The following ROBO2 variants were observed in gnomAD, a reference collection of about 807,000 sequenced individuals.
ROBO2 encodes the protein roundabout homolog 2.
A neutral mutation model predicts 160.8 loss-of-function variants in ROBO2; 53 were observed. The observed-to-expected ratio is 0.33, with a 90% confidence interval of 0.26 to 0.41. The LOEUF (loss-of-function observed/expected upper bound fraction) is 0.41, where lower values mean the gene tolerates loss of function less well. ROBO2 is among the 10% of genes least tolerant of loss of function. ROBO2 has a pLI of 1.00. For missense variants in ROBO2, 1,577 were observed against 1,722.4 expected, an observed-to-expected ratio of 0.92 and a Z score of 1.49; for synonymous variants, 664 against 611.7, an observed-to-expected ratio of 1.09 and a Z score of -1.26.
In ROBO2 at chr3:76,182,654, T is replaced by G. The variant is rs1393664853; in HGVS notation, c.109+245052T>G. Among the ~76,000 whole-genome samples the G allele has an allele frequency of 2.6e-5, 4 of 152,110 alleles. No individual in the cohort carries two copies. In the East Asian group the frequency reaches 7.7e-4, roughly 29 times the overall value. ...GTGCTCTCTTACACTTAATCTCTGC[T>G]TATCACTCCGCGACCAACCAATGCC... On this transcript the variant is annotated intron_variant, in intron 2 of 26. Transcript: ENST00000487694.
At chr3:77,347,202 A>T (rs2067752636) in intron 2 of ROBO2, among the ~76,000 whole-genome samples, 1 of 152,176 alleles carries the variant, frequency 6.6e-6, no homozygotes, top group African/African-American at 2.4e-5. Context: ...CCAGAAAAAG[A>T]CCATGCTAAT....
intron 2 of ROBO2, among the ~76,000 whole-genome samples, chr3:77,268,434 C>A (rs935396962): frequency 6.6e-6 from 1 of 152,120 alleles, no homozygotes; most frequent in Admixed American, 6.5e-5. Flanking sequence ...ATTATTCATT[C>A]TCCACTGAAG....
chr3:76,763,090 A>G (rs897779940), intron 2 of ROBO2, among the ~76,000 whole-genome samples: 6 of 151,736 alleles, frequency 4.0e-5, no homozygotes, highest in African/African-American at 1.4e-4. Flanking sequence ...AACAAAGGCA[A>G]TAACATGTAA....
intron 2 of ROBO2, among the ~76,000 whole-genome samples, chr3:75,994,007 G>A (rs969534031): frequency 2.6e-5 from 4 of 152,276 alleles, no homozygotes; most frequent in African/African-American, 7.2e-5. Context: ...AGGGCCAGCT[G>A]TGGGAGTATC....
intron 2 of ROBO2, among the ~76,000 whole-genome samples, chr3:76,092,999 A>G (rs1211364060): frequency 1.3e-5 from 2 of 152,214 alleles, no homozygotes; most frequent in African/African-American, 2.4e-5. Flanking sequence ...GCCCAAATGT[A>G]GAAAACTTAT....
intron 2 of ROBO2, among the ~76,000 whole-genome samples, chr3:76,143,711 A>G (rs1302691073): frequency 1.3e-5 from 2 of 152,064 alleles, no homozygotes; most frequent in Non-Finnish European, 2.9e-5. Context: ...AATAATATAG[A>G]TAGATTGGTA....
At chr3:77,186,401 A>G (rs953766017) in intron 2 of ROBO2, among the ~76,000 whole-genome samples, 2 of 151,974 alleles carry the variant, frequency 1.3e-5, no homozygotes, top group South Asian at 4.1e-4. Context: ...GATTATTAAT[A>G]AAGTAGGAGG....
At chr3:76,125,879 T>C (rs2070960042) in intron 2 of ROBO2, among the ~76,000 whole-genome samples, 1 of 152,144 alleles carries the variant, frequency 6.6e-6, no homozygotes, top group Non-Finnish European at 1.5e-5. Flanking sequence ...CAGGCTCGAG[T>C]GCAATGGCAT....
chr3:76,312,558 T>G (rs2071668335), intron 2 of ROBO2, among the ~76,000 whole-genome samples: 1 of 152,236 alleles, frequency 6.6e-6, no homozygotes, highest in Non-Finnish European at 1.5e-5. Context: ...TGCTGCAAAT[T>G]ATCTTCAGGC....
intron 2 of ROBO2, among the ~76,000 whole-genome samples, chr3:77,012,700 A>C (rs1436152120): frequency 6.6e-6 from 1 of 152,204 alleles, no homozygotes; most frequent in Non-Finnish European, 1.5e-5. Context: ...TGATTGTCAG[A>C]ATTGCCCAAT....
chr3:76,132,838 A>G (rs958922110), intron 2 of ROBO2, among the ~76,000 whole-genome samples: 9 of 152,142 alleles, frequency 5.9e-5, no homozygotes, highest in Admixed American at 2.0e-4. Context: ...TAGAAAAAGA[A>G]CAGTAGCAAA....
chr3:76,497,341 A>G (rs1012233506), intron 2 of ROBO2, among the ~76,000 whole-genome samples: 8 of 152,088 alleles, frequency 5.3e-5, no homozygotes, highest in African/African-American at 1.7e-4. Flanking sequence ...GAGTACAGGT[A>G]TGTGCCAGCA....
intron 1 of ROBO2, among the ~76,000 whole-genome samples, chr3:77,055,013 C>G (rs1049660313): frequency 1.3e-5 from 2 of 151,268 alleles, no homozygotes; most frequent in African/African-American, 4.9e-5. Context: ...ATAATAAAGT[C>G]CCTACATGTT....
chr3:76,130,885 C>A (rs1285570138), intron 2 of ROBO2, among the ~76,000 whole-genome samples: 1 of 151,942 alleles, frequency 6.6e-6, no homozygotes, highest in African/African-American at 2.4e-5. Context: ...CTCTTTAAAC[C>A]CATTCTGATT....
intron 2 of ROBO2, among the ~76,000 whole-genome samples, chr3:76,884,279 T>G (rs1402153696): frequency 6.6e-6 from 1 of 152,216 alleles, no homozygotes; most frequent in East Asian, 1.9e-4. Context: ...CTATATAAAT[T>G]GTTAATATTT....
At chr3:77,322,971 T>TTATATTATGGATAA (rs1560532497) in intron 2 of ROBO2, among the ~76,000 whole-genome samples, 2 of 758 alleles carry the variant, frequency 2.6e-3, no homozygotes, top group African/African-American at 8.5e-3. Flanking sequence ...ATATAATATA[T>TTATATTATGGATAA]TATATTATAT....
chr3:77,614,714 C>A (rs557706982), intron 21 of ROBO2, among the ~76,000 whole-genome samples: 1 of 151,384 alleles, frequency 6.6e-6, no homozygotes, highest in Admixed American at 6.6e-5. Flanking sequence ...TGATATTATT[C>A]CCCCAAAAAA....
intron 2 of ROBO2, among the ~76,000 whole-genome samples, chr3:77,108,575 C>T (rs1315444980): frequency 6.6e-6 from 1 of 152,138 alleles, no homozygotes; most frequent in Non-Finnish European, 1.5e-5. Flanking sequence ...TGCTGGGCTG[C>T]ATATGAGGAG....
chr3:76,703,944 C>T (rs1331158046), intron 2 of ROBO2, among the ~76,000 whole-genome samples: 1 of 151,430 alleles, frequency 6.6e-6, no homozygotes, highest in African/African-American at 2.4e-5. Flanking sequence ...AATGTTATTG[C>T]TTATAAGAAA....
Sources: allele counts gnomAD v4.1 joint callset (sites outside exome capture counted in the v4.1 genomes callset), GRCh38; gene constraint gnomAD v4.1.1; transcripts MANE v1.5; gene names NCBI Gene and HGNC (gene_info 2026-07-23, HGNC 2026-07-21).